Variants in PTPRK observed in about 807,000 individuals in gnomAD.
PTPRK encodes protein tyrosine phosphatase receptor type K, also known as receptor-type tyrosine-protein phosphatase kappa.
In PTPRK, 75 loss-of-function variants were observed where a neutral mutation model predicts 178.0. The ratio of observed to expected loss-of-function variants is 0.42; its 90% CI spans 0.35 to 0.51. The LOEUF (loss-of-function observed/expected upper bound fraction) is 0.51. Ranked by LOEUF, PTPRK falls within the 20% of genes least tolerant of loss-of-function variation. The probability of loss-of-function intolerance (pLI) is 0.02; values close to 1 mark genes in which losing one functional copy is unlikely to be tolerated. For synonymous variants in PTPRK, 637 were observed against 620.6 expected (o/e 1.03, Z -0.39); for missense variants, 1,441 against 1,797.8 (o/e 0.80, Z 3.59).
chr6:128,317,385 T>C (rs1828149499), intron 3 of PTPRK, among the ~76,000 whole-genome samples: 2 of 152,244 alleles, frequency 1.3e-5, no homozygotes, highest in Admixed American at 1.3e-4. Flanking sequence ...CTAGCCTGTT[T>C]AGTCAGTGAT....
chr6:128,156,131 T>G (rs1797907300), intron 7 of PTPRK, among the ~76,000 whole-genome samples: 1 of 151,978 alleles, frequency 6.6e-6, no homozygotes, highest in Non-Finnish European at 1.5e-5. Flanking sequence ...TTTGGTCATC[T>G]ATGTATTCTT....
chr6:128,300,919 C>T (rs1825496011), intron 3 of PTPRK, among the ~76,000 whole-genome samples: 1 of 151,968 alleles, frequency 6.6e-6, no homozygotes, highest in African/African-American at 2.4e-5. Flanking sequence ...TTTCAACATA[C>T]ACACCCCACC....
Position 128,083,814 on chromosome 6 carries a change from G to A in PTPRK, c.1476C>T (p.Pro492=), listed in dbSNP as rs371808772. The A allele has an allele frequency of 1.1e-5, 18 of 1,578,312 alleles. No individual in the cohort carries two copies. The African/African-American group carries it at 1.5e-4, about 13-fold the overall frequency. The change falls in exon 9 of 30, where the codon CCC becomes CCT. Residue 492 remains proline (P), a synonymous_variant. Coordinates refer to ENST00000368226, the MANE Select transcript of PTPRK (RefSeq NM_002844.4). ...IIQTDEDVPG[P]VPVKSLQGTS... ...TTCCTTGAAGAGATTTTACTGGTACGGGACCAGGCACTACAAAACACATGA... is the reference window on the plus strand; with the variant it reads ...TTCCTTGAAGAGATTTTACTGGTACAGGACCAGGCACTACAAAACACATGA...
At chr6:128,205,738 T>A (rs1806823969) in intron 6 of PTPRK, among the ~76,000 whole-genome samples, 1 of 123,900 alleles carries the variant, frequency 8.1e-6, no homozygotes, top group Non-Finnish European at 1.5e-5. Flanking sequence ...GCCACTGAAC[T>A]CTAGCCTGGA....
At chr6:128,062,552 C>T (rs955565085) in intron 13 of PTPRK, 2 of 167,052 alleles carry the variant, frequency 1.2e-5, no homozygotes, top group African/African-American at 4.8e-5. Context: ...TGTTTTTATA[C>T]ATATTTCATT....
At chr6:127,977,154 G>C (rs1774698895) in intron 25 of PTPRK, 100 bp from the exon 26 acceptor site, 2 of 1,198,344 alleles carry the variant, frequency 1.7e-6, no homozygotes, top group East Asian at 4.7e-5. Context: ...CCAGTAAGAT[G>C]CAATAGCTTC....
At chr6:128,509,941 A>G (rs1856927685) in intron 1 of PTPRK, among the ~76,000 whole-genome samples, 1 of 152,212 alleles carries the variant, frequency 6.6e-6, no homozygotes, top group African/African-American at 2.4e-5. Flanking sequence ...TCAACACCAG[A>G]TAGCAATCTG....
chr6:128,053,135 G>T (rs1333003291), intron 13 of PTPRK, among the ~76,000 whole-genome samples: 2 of 134,892 alleles, frequency 1.5e-5, no homozygotes, highest in Admixed American at 1.6e-4. Context: ...TGTCTCAGTG[G>T]ACTATGTGTA....
At chr6:128,127,203 C>T (rs2114436667) in intron 7 of PTPRK, among the ~76,000 whole-genome samples, 1 of 152,256 alleles carries the variant, frequency 6.6e-6, no homozygotes, top group East Asian at 1.9e-4. Flanking sequence ...ACAGTTATTC[C>T]TGAAATTGGT....
At chr6:128,109,808 T>C (rs1790341831) in intron 7 of PTPRK, among the ~76,000 whole-genome samples, 1 of 152,144 alleles carries the variant, frequency 6.6e-6, no homozygotes, top group African/African-American at 2.4e-5. Flanking sequence ...TTCCATGATA[T>C]AATTGATAAT....
chr6:128,298,904 C>T (rs1326600621), intron 3 of PTPRK, among the ~76,000 whole-genome samples: 5 of 152,042 alleles, frequency 3.3e-5, no homozygotes, highest in Admixed American at 3.3e-4. Context: ...AAAGGGTATT[C>T]AATTAGGAAA....
chr6:128,134,924 A>G (rs1045993477), intron 7 of PTPRK, among the ~76,000 whole-genome samples: 7 of 152,162 alleles, frequency 4.6e-5, no homozygotes, highest in African/African-American at 1.7e-4. Context: ...AGAAAAAGAC[A>G]AAGGTCCCTA....
At chr6:128,418,206 G>A (rs972309665) in intron 1 of PTPRK, among the ~76,000 whole-genome samples, 1 of 151,976 alleles carries the variant, frequency 6.6e-6, no homozygotes, top group Non-Finnish European at 1.5e-5. Context: ...CCCCACCCTC[G>A]CACTCCTCAA....
chr6:128,083,838 G>A lies in PTPRK; in HGVS notation c.1466-14C>T, dbSNP rs528100008. The A allele has an allele frequency of 7.6e-6, 11 of 1,454,152 alleles. No individual in the cohort carries two copies. Among genetic ancestry groups the A allele is most frequent in the South Asian group, 4.1e-5 (3 of 72,302 alleles). The allele number at this position is 1,454,152 out of a possible 1,614,324, so 90.1% of individuals were successfully genotyped here. A position where few individuals can be genotyped will look rare whatever the true frequency, so the allele number is the denominator to read the frequency against. On this transcript the variant is annotated splice_polypyrimidine_tract_variant and intron_variant, in intron 8 of 29. Coordinates refer to ENST00000368226, the MANE Select transcript of PTPRK (RefSeq NM_002844.4). ...CGGGACCAGGCACTACAAAACACAT[G>A]AATTTTTTGTTATGAAAATGCTTAC...
chr6:128,012,797 C>T (rs1399969999), intron 13 of PTPRK, among the ~76,000 whole-genome samples: 2 of 151,424 alleles, frequency 1.3e-5, no homozygotes, highest in African/African-American at 4.8e-5. Flanking sequence ...AATTCTTCTA[C>T]TTTCATAATG....
chr6:128,412,958 G>C (rs897766045), intron 1 of PTPRK, among the ~76,000 whole-genome samples: 4 of 152,200 alleles, frequency 2.6e-5, no homozygotes, highest in Non-Finnish European at 5.9e-5. Flanking sequence ...ACCCTTTAGA[G>C]ATGCCATTTA....
chr6:127,997,577 G>A (rs1256582344), intron 16 of PTPRK, among the ~76,000 whole-genome samples: 5 of 152,008 alleles, frequency 3.3e-5, no homozygotes, highest in Non-Finnish European at 7.4e-5. Flanking sequence ...ACTATATGCA[G>A]CAATTTAAAA....
chr6:128,028,966 T>C (rs1774806442), intron 13 of PTPRK, among the ~76,000 whole-genome samples: 4 of 152,198 alleles, frequency 2.6e-5, no homozygotes. Flanking sequence ...AGAATTGTGC[T>C]GGACTGCTTG....
At chr6:128,198,689 A>G (rs1374176225) in intron 6 of PTPRK, among the ~76,000 whole-genome samples, 1 of 152,186 alleles carries the variant, frequency 6.6e-6, no homozygotes, top group Non-Finnish European at 1.5e-5. Flanking sequence ...TACACTTAGC[A>G]AAGTTATCTA....
Sources: allele counts gnomAD v4.1 joint callset (sites outside exome capture counted in the v4.1 genomes callset), GRCh38; gene constraint gnomAD v4.1.1; transcripts MANE v1.5; gene names NCBI Gene and HGNC (gene_info 2026-07-23, HGNC 2026-07-21).